The following RHBDD1 variants were observed in gnomAD, a reference collection of about 807,000 sequenced individuals.
RHBDD1 encodes the protein rhomboid domain containing 1.
RHBDD1 carries 38 observed loss-of-function variants against 36.3 expected under a neutral mutation model. The ratio of observed to expected loss-of-function variants is 1.05; its 90% CI spans 0.81 to 1.37. The LOEUF (loss-of-function observed/expected upper bound fraction) is 1.37. Among genes scored for constraint, RHBDD1 ranks in the 40% most tolerant of loss-of-function variants. RHBDD1 has a pLI of 0.00. For synonymous variants in RHBDD1, 151 were observed against 136.5 expected (o/e 1.11, Z -0.74); for missense variants, 393 against 377.6 (o/e 1.04, Z -0.34).
intron 3 of RHBDD1, among the ~76,000 whole-genome samples, chr2:226,855,096 A>C (rs746420160): frequency 3.8e-4 from 58 of 152,370 alleles, no homozygotes; most frequent in Non-Finnish European, 7.5e-4. Flanking sequence ...AAGGCAGGCT[A>C]TTATAAAGGA....
intron 8 of RHBDD1, chr2:226,988,385 G>A (rs1213923324): frequency 6.4e-6 from 10 of 1,550,494 alleles, no homozygotes; most frequent in Middle Eastern, 1.7e-4. Context: ...CAAGATAAAG[G>A]TCAGAACAGA....
intron 8 of RHBDD1, among the ~76,000 whole-genome samples, chr2:226,936,382 T>A (rs1365705787): frequency 6.6e-6 from 1 of 152,092 alleles, no homozygotes; most frequent in Non-Finnish European, 1.5e-5. Context: ...TTCAATAATT[T>A]AAAATATTAA....
intron 8 of RHBDD1, among the ~76,000 whole-genome samples, chr2:226,957,243 G>C (rs1218368144): frequency 1.3e-5 from 2 of 152,180 alleles, no homozygotes; most frequent in Admixed American, 6.5e-5. Context: ...GCAGGATCTG[G>C]TGTGGAACCA....
intron 8 of RHBDD1, among the ~76,000 whole-genome samples, chr2:226,972,361 C>T (rs571693538): frequency 6.6e-6 from 1 of 152,250 alleles, no homozygotes; most frequent in South Asian, 2.1e-4. Flanking sequence ...AAGAAAGAAA[C>T]ACAAAGGTGC....
chr2:226,805,040 CAACT>C, the RHBDD1 span: 1 of 152,312 alleles, frequency 6.6e-6, no homozygotes, highest in Admixed American at 6.5e-5. Context: ...AATAAAAAGA[CAACT>C]AGCTTTTTCT....
intron 5 of RHBDD1, among the ~76,000 whole-genome samples, chr2:226,882,430 CAAAAAAAAAAAAAA>C (rs58149634): frequency 1.8e-5 from 1 of 57,108 alleles, no homozygotes; most frequent in Non-Finnish European, 3.7e-5. Flanking sequence ...GACTTTGCCT[CAAAAAAAAAAAAAA>C]AAAAAAAAAA....
intron 8 of RHBDD1, among the ~76,000 whole-genome samples, chr2:226,917,579 C>T (rs961087905): frequency 3.3e-5 from 5 of 152,080 alleles, no homozygotes; most frequent in Non-Finnish European, 5.9e-5. Flanking sequence ...GAGTTACGTT[C>T]TAAAACTCCT....
chr2:226,847,647 CACA>C, intron 3 of RHBDD1, among the ~76,000 whole-genome samples: 1 of 152,270 alleles, frequency 6.6e-6, no homozygotes, highest in Admixed American at 6.5e-5. Context: ...AATGGTGCTT[CACA>C]ACAATATGAA....
the RHBDD1 span, among the ~76,000 whole-genome samples, chr2:226,803,387 A>T: frequency 1.9e-4 from 29 of 152,204 alleles, no homozygotes; most frequent in South Asian, 4.8e-3. Context: ...TTCATGATGG[A>T]TGAAATAACT....
the RHBDD1 span, among the ~76,000 whole-genome samples, chr2:226,827,145 T>C: frequency 1.3e-5 from 2 of 151,982 alleles, no homozygotes; most frequent in Non-Finnish European, 2.9e-5. Flanking sequence ...TATATATTTT[T>C]GTAGAGACAG....
chr2:226,815,206 AT>A, the RHBDD1 span, among the ~76,000 whole-genome samples: 74 of 152,074 alleles, frequency 4.9e-4, no homozygotes, highest in Admixed American at 2.2e-3. Context: ...AACCTAAGTA[AT>A]TTTTTTCTTT....
chr2:226,987,339 T>TA (rs535185706), intron 8 of RHBDD1, among the ~76,000 whole-genome samples: 69 of 145,294 alleles, frequency 4.7e-4, no homozygotes, highest in African/African-American at 1.0e-3. Context: ...ACTTAAAGTA[T>TA]AAAAAAAAAA....
chr2:226,994,548 A>G (rs1958985604), intron 8 of RHBDD1, among the ~76,000 whole-genome samples: 1 of 152,202 alleles, frequency 6.6e-6, no homozygotes, highest in African/African-American at 2.4e-5. Context: ...TAGCAGAGCT[A>G]TAGTAGTGAA....
At chr2:226,835,192 TGA>T (rs1268931196), upstream of RHBDD1, among the ~76,000 whole-genome samples, 8 of 152,220 alleles carry the variant, frequency 5.3e-5, no homozygotes, top group African/African-American at 1.9e-4. Flanking sequence ...ATTACAGGCG[TGA>T]GTTACCGCGC....
At chr2:226,983,905 T>C (rs1424830967) in intron 8 of RHBDD1, among the ~76,000 whole-genome samples, 2 of 152,202 alleles carry the variant, frequency 1.3e-5, no homozygotes, top group African/African-American at 4.8e-5. Flanking sequence ...TACCTTTAGC[T>C]GAACAGAAGA....
intron 3 of RHBDD1, among the ~76,000 whole-genome samples, chr2:226,854,315 G>A (rs966027522): frequency 2.6e-5 from 4 of 151,990 alleles, no homozygotes; most frequent in Non-Finnish European, 4.4e-5. Context: ...CCTAAGGGCC[G>A]GGCGTGGTGG....
At chr2:226,813,932 G>A in the RHBDD1 span, among the ~76,000 whole-genome samples, 1 of 152,102 alleles carries the variant, frequency 6.6e-6, no homozygotes, top group Non-Finnish European at 1.5e-5. Context: ...GCAAGAGTTG[G>A]CCAGTTTGAC....
chr2:226,874,101 A>G (rs1223842961), intron 5 of RHBDD1, among the ~76,000 whole-genome samples: 1 of 152,132 alleles, frequency 6.6e-6, no homozygotes, highest in Non-Finnish European at 1.5e-5. Flanking sequence ...TGAGACCAGC[A>G]TGGGAGAAAC....
chr2:226,902,892 GT>G (rs1947711310), intron 5 of RHBDD1, among the ~76,000 whole-genome samples: 1 of 152,142 alleles, frequency 6.6e-6, no homozygotes, highest in African/African-American at 2.4e-5. Flanking sequence ...TCATTTCACT[GT>G]ATTGTACTCT....
Sources: allele counts gnomAD v4.1 joint callset (sites outside exome capture counted in the v4.1 genomes callset), GRCh38; gene constraint gnomAD v4.1.1; transcripts MANE v1.5; gene names NCBI Gene and HGNC (gene_info 2026-07-23, HGNC 2026-07-21).